HTR2C: variants seen among roughly 807,000 people sequenced by gnomAD.
HTR2C encodes 5-hydroxytryptamine receptor 2C.
In HTR2C, 5 loss-of-function variants were observed where a neutral mutation model predicts 21.0. That is an observed-to-expected ratio of 0.24 (90% CI 0.12 to 0.50). HTR2C has a LOEUF of 0.50. HTR2C is among the 20% of genes least tolerant of loss of function. The pLI, the probability that HTR2C is intolerant of heterozygous loss-of-function variation, is 0.98. For synonymous variants in HTR2C, 150 were observed against 145.3 expected (o/e 1.03, Z -0.23); for missense variants, 271 against 371.2 (o/e 0.73, Z 2.22).
chrX:114,667,894 G>T (rs1282522903), intron 2 of HTR2C, among the ~76,000 whole-genome samples: 1 of 111,710 alleles, frequency 9.0e-6, no homozygotes, highest in African/African-American at 3.3e-5. Flanking sequence ...GAAATCTACA[G>T]ACTCATTTAA....
intron 4 of HTR2C, among the ~76,000 whole-genome samples, chrX:114,834,615 G>C (rs1469094318): frequency 9.6e-6 from 1 of 104,532 alleles, no homozygotes; most frequent in East Asian, 3.1e-4. Context: ...ACGTGAGATG[G>C]GTTTCCTGAA....
At chrX:114,674,487 C>T (rs1025117916) in intron 2 of HTR2C, among the ~76,000 whole-genome samples, 4 of 111,195 alleles carry the variant, frequency 3.6e-5, no homozygotes, top group Non-Finnish European at 7.5e-5. Flanking sequence ...TCTTCTGGCG[C>T]CCCTTTTCCT....
At chrX:114,752,439 A>G (rs1286838107) in intron 4 of HTR2C, among the ~76,000 whole-genome samples, 2 of 111,104 alleles carry the variant, frequency 1.8e-5, no homozygotes, top group Admixed American at 9.7e-5. Context: ...TTCTCCAGGT[A>G]CCTTTTGATT....
intron 4 of HTR2C, among the ~76,000 whole-genome samples, chrX:114,805,043 G>A (rs1556448216): frequency 9.0e-6 from 1 of 111,524 alleles, no homozygotes; most frequent in African/African-American, 3.3e-5. Flanking sequence ...TTGAGAGTTA[G>A]GTATATAGCC....
chrX:114,619,976 A>C (rs1929093692), intron 2 of HTR2C, among the ~76,000 whole-genome samples: 1 of 112,052 alleles, frequency 8.9e-6, no homozygotes, highest in Admixed American at 9.5e-5. Flanking sequence ...AACTGAATAA[A>C]CAAATAGGTA....
At chrX:114,849,156 A>G (rs1291123874) in intron 5 of HTR2C, among the ~76,000 whole-genome samples, 3 of 112,304 alleles carry the variant, frequency 2.7e-5, no homozygotes, top group Non-Finnish European at 5.6e-5. Context: ...AAAGTCGTGA[A>G]GCTTGTCCCA....
At chrX:114,680,651 T>C (rs1241593668) in intron 2 of HTR2C, among the ~76,000 whole-genome samples, 2 of 111,628 alleles carry the variant, frequency 1.8e-5, no homozygotes, top group African/African-American at 6.5e-5. Flanking sequence ...ACTTTCCTTC[T>C]AGTATAAGGA....
intron 4 of HTR2C, among the ~76,000 whole-genome samples, chrX:114,809,266 C>T (rs1340881816): frequency 1.8e-5 from 2 of 111,133 alleles, no homozygotes; most frequent in Non-Finnish European, 3.8e-5. Flanking sequence ...AATCACTTCC[C>T]ATGGCCGCCA....
chrX:114,711,723 A>C (rs926974521), intron 2 of HTR2C, among the ~76,000 whole-genome samples: 2 of 112,096 alleles, frequency 1.8e-5, no homozygotes, highest in Non-Finnish European at 3.8e-5. Flanking sequence ...CATTTATCAG[A>C]AAAAATAGCT....
chrX:114,725,174 T>G (rs1933404453), intron 2 of HTR2C, among the ~76,000 whole-genome samples: 2 of 111,554 alleles, frequency 1.8e-5, no homozygotes, highest in Admixed American at 1.9e-4. Flanking sequence ...AGATTTGGTC[T>G]TTTCACATAG....
At chrX:114,712,839 A>C (rs1460860001) in intron 2 of HTR2C, among the ~76,000 whole-genome samples, 1 of 112,211 alleles carries the variant, frequency 8.9e-6, no homozygotes, top group African/African-American at 3.2e-5. Context: ...CAAAGACGAA[A>C]GATGTCTGTA....
chrX:114,638,984 A>G (rs980313730), intron 2 of HTR2C, among the ~76,000 whole-genome samples: 5 of 111,121 alleles, frequency 4.5e-5, no homozygotes, highest in Non-Finnish European at 9.4e-5. Context: ...CAATAAACAT[A>G]CATGTGCATG....
chrX:114,805,857 T>TATATATACC (rs2070413543), intron 4 of HTR2C, among the ~76,000 whole-genome samples: 5 of 88,737 alleles, frequency 5.6e-5, no homozygotes, highest in East Asian at 3.4e-4. Context: ...ATATATACCA[T>TATATATACC]ATATATACCA....
intron 4 of HTR2C, among the ~76,000 whole-genome samples, chrX:114,748,020 T>A (rs1556426699): frequency 8.9e-6 from 1 of 111,957 alleles, no homozygotes; most frequent in Admixed American, 9.5e-5. Flanking sequence ...GGGGATAATT[T>A]GCTATGCATT....
rs2071186208 is a variant in HTR2C at position 114,882,129 on chromosome X, ATTAAT to A, written c.551-24452_551-24448del. Among the ~76,000 whole-genome samples, 5 of 110,781 alleles carry A rather than the reference ATTAAT, an allele frequency of 4.5e-5. No homozygotes were observed. In the Admixed American group the frequency reaches 4.8e-4, roughly 11 times the overall value. On this transcript the variant is annotated intron_variant, in intron 5 of 5. Coordinates refer to ENST00000276198, the MANE Select transcript of HTR2C (RefSeq NM_000868.4). ...ATTATATTATAAACTGAATTACTTT[ATTAAT>A]TTAATTTTTGGATTGTTCATTGCAA...
intron 4 of HTR2C, among the ~76,000 whole-genome samples, chrX:114,785,547 A>T (rs2070166661): frequency 8.9e-6 from 1 of 111,839 alleles, no homozygotes; most frequent in African/African-American, 3.2e-5. Flanking sequence ...GAGAGAATGG[A>T]CTTTTCCATA....
intron 3 of HTR2C, among the ~76,000 whole-genome samples, chrX:114,729,977 T>C (rs1242553145): frequency 8.9e-6 from 1 of 112,006 alleles, no homozygotes; most frequent in Non-Finnish European, 1.9e-5. Flanking sequence ...CCACTACATA[T>C]AGGAAATGTA....
chrX:114,602,526 T>C (rs1415594453), intron 1 of HTR2C, among the ~76,000 whole-genome samples: 10 of 72,290 alleles, frequency 1.4e-4, no homozygotes, highest in Middle Eastern at 6.0e-3. Context: ...TCCATTCTAC[T>C]TTTCTTGAAG....
At chrX:114,778,191 G>A (rs1250961783) in intron 4 of HTR2C, among the ~76,000 whole-genome samples, 3 of 111,218 alleles carry the variant, frequency 2.7e-5, no homozygotes, top group Non-Finnish European at 3.8e-5. Flanking sequence ...TTGTAGTGAA[G>A]TAGAACTTGA....
Sources: gnomAD v4.1 joint callset for allele counts (sites outside exome capture counted in the v4.1 genomes callset) on GRCh38, gnomAD v4.1.1 for gene constraint, MANE v1.5 for transcripts, NCBI Gene and HGNC (gene_info 2026-07-23, HGNC 2026-07-21) for gene names.